SGCD: variants seen among roughly 807,000 people sequenced by gnomAD.
SGCD encodes the protein delta-sarcoglycan.
A neutral mutation model predicts 36.6 loss-of-function variants in SGCD; 18 were observed. That is an observed-to-expected ratio of 0.49 (90% CI 0.34 to 0.73). SGCD has a LOEUF of 0.73. Among genes scored for constraint, SGCD ranks in the 30% least tolerant of loss-of-function variants. The pLI, the probability that SGCD is intolerant of heterozygous loss-of-function variation, is 0.01. For missense variants in SGCD, 387 were observed against 346.7 expected (o/e 1.12, Z -0.92); for synonymous variants, 133 against 130.6 (o/e 1.02, Z -0.12).
chr5:155,848,723 G>A, the SGCD span, among the ~76,000 whole-genome samples: 1 of 152,072 alleles, frequency 6.6e-6, no homozygotes, highest in Non-Finnish European at 1.5e-5. Flanking sequence ...AAATAAATGA[G>A]AGTAAAGTAT....
chr5:156,213,777 T>C (rs1214339693), intron 3 of SGCD, among the ~76,000 whole-genome samples: 3 of 152,002 alleles, frequency 2.0e-5, no homozygotes, highest in African/African-American at 4.8e-5. Flanking sequence ...TTGTGATCAA[T>C]TGGGATTTAT....
chr5:156,564,680 A>G (rs911901279), intron 4 of SGCD, among the ~76,000 whole-genome samples: 3 of 151,688 alleles, frequency 2.0e-5, no homozygotes, highest in African/African-American at 7.3e-5. Flanking sequence ...AGCAACCCCC[A>G]TTCTGCTTTC....
chr5:156,486,999 ACT>A (rs1755700965), intron 3 of SGCD, among the ~76,000 whole-genome samples: 1 of 152,112 alleles, frequency 6.6e-6, no homozygotes, highest in Non-Finnish European at 1.5e-5. Flanking sequence ...TACCTCTGCC[ACT>A]GTCAGCTATC....
In SGCD at chr5:156,653,493, C is replaced by CTTTTTT. The variant is rs111458843; in HGVS notation, c.575+5967_575+5972dup. ...TTTTCTTACGTAATTCTAAAGCTTG[C>CTTTTTT]TTTTTTTTTTTTTTTGCCCCTGTTG... On this transcript the variant is annotated intron_variant, in intron 7 of 8. Coordinates refer to ENST00000337851, the MANE Select transcript of SGCD (RefSeq NM_000337.6). Among the ~76,000 whole-genome samples the CTTTTTT allele has an allele frequency of 1.3e-3, 64 of 48,082 alleles. 13 individuals are homozygous for CTTTTTT. Among genetic ancestry groups the CTTTTTT allele is most frequent in the Non-Finnish European group, 2.2e-3 (54 of 24,960 alleles). The allele number at this position is 48,082 out of a possible 152,430, so 31.5% of individuals were successfully genotyped here.
At chr5:156,161,857 A>G (rs1763094200) in intron 3 of SGCD, among the ~76,000 whole-genome samples, 1 of 151,690 alleles carries the variant, frequency 6.6e-6, no homozygotes, top group Admixed American at 6.6e-5. Flanking sequence ...CCAAAGTCAC[A>G]AAGTCAGATG....
chr5:156,596,795 C>T (rs2113396173), intron 6 of SGCD, among the ~76,000 whole-genome samples: 1 of 152,214 alleles, frequency 6.6e-6, no homozygotes, highest in South Asian at 2.1e-4. Context: ...CTCTCAAATT[C>T]AGTGGATCTT....
At chr5:156,019,576 G>A (rs1039488983) in intron 1 of SGCD, among the ~76,000 whole-genome samples, 10 of 152,126 alleles carry the variant, frequency 6.6e-5, no homozygotes, top group Non-Finnish European at 8.8e-5. Flanking sequence ...AGGAATTTTG[G>A]AAAGGAATCA....
chr5:156,689,329 A>G (rs1754026029), intron 7 of SGCD, among the ~76,000 whole-genome samples: 1 of 152,208 alleles, frequency 6.6e-6, no homozygotes, highest in African/African-American at 2.4e-5. Context: ...ACAAAGTGAC[A>G]CACATTTTTG....
chr5:156,162,299 T>C (rs1763104193), intron 3 of SGCD, among the ~76,000 whole-genome samples: 1 of 151,606 alleles, frequency 6.6e-6, no homozygotes, highest in Non-Finnish European at 1.5e-5. Flanking sequence ...GGAAGCTACC[T>C]CCCATGTTCA....
At chr5:156,457,184 G>T (rs1754299050) in intron 3 of SGCD, among the ~76,000 whole-genome samples, 1 of 152,118 alleles carries the variant, frequency 6.6e-6, no homozygotes, top group Admixed American at 6.6e-5. Context: ...AAGGGTTTCA[G>T]CAGAGACACC....
chr5:155,739,165 A>G, the SGCD span, among the ~76,000 whole-genome samples: 1 of 152,240 alleles, frequency 6.6e-6, no homozygotes, highest in South Asian at 2.1e-4. Flanking sequence ...ACAAGTAAAG[A>G]TAATGGTCCC....
chr5:155,845,487 G>A, the SGCD span: 1 of 152,464 alleles, frequency 6.6e-6, no homozygotes, highest in East Asian at 1.9e-4. Context: ...GATCTCGGAA[G>A]CTAAGCAGGG....
intron 3 of SGCD, among the ~76,000 whole-genome samples, chr5:156,382,928 A>T (rs1238210715): frequency 6.6e-6 from 1 of 152,232 alleles, no homozygotes; most frequent in African/African-American, 2.4e-5. Flanking sequence ...TACTCCATTC[A>T]TGGCAAATAA....
At chr5:155,800,507 T>C in the SGCD span, among the ~76,000 whole-genome samples, 7 of 152,186 alleles carry the variant, frequency 4.6e-5, no homozygotes, top group Non-Finnish European at 1.0e-4. Context: ...CTTTCAGTGT[T>C]GCAGATGAGA....
intron 1 of SGCD, among the ~76,000 whole-genome samples, chr5:155,874,679 G>C (rs532324395): frequency 6.6e-6 from 1 of 151,976 alleles, no homozygotes; most frequent in Non-Finnish European, 1.5e-5. Flanking sequence ...ATTAGTCACC[G>C]GGGGAGATGC....
At chr5:156,482,865 A>G (rs903469545) in intron 3 of SGCD, among the ~76,000 whole-genome samples, 4 of 109,080 alleles carry the variant, frequency 3.7e-5, no homozygotes, top group Non-Finnish European at 6.8e-5. Context: ...GCCATATTTG[A>G]ATTGTTTAGG....
At chr5:155,935,697 G>C (rs1002044928) in intron 1 of SGCD, among the ~76,000 whole-genome samples, 1 of 152,192 alleles carries the variant, frequency 6.6e-6, no homozygotes, top group Non-Finnish European at 1.5e-5. Flanking sequence ...ACTTGCCTAA[G>C]GTTGTTACAG....
At chr5:156,720,952 A>G (rs1387538424) in intron 7 of SGCD, among the ~76,000 whole-genome samples, 1 of 152,146 alleles carries the variant, frequency 6.6e-6, no homozygotes. Flanking sequence ...GACATTTCGA[A>G]AAGTGCTTAG....
intron 4 of SGCD, among the ~76,000 whole-genome samples, chr5:156,518,249 A>T (rs902567436): frequency 6.6e-6 from 1 of 152,242 alleles, no homozygotes; most frequent in African/African-American, 2.4e-5. Context: ...GAAGGGCATT[A>T]CATAATGGTA....
Sources: allele counts gnomAD v4.1 joint callset (sites outside exome capture counted in the v4.1 genomes callset), GRCh38; gene constraint gnomAD v4.1.1; transcripts MANE v1.5; gene names NCBI Gene and HGNC (gene_info 2026-07-23, HGNC 2026-07-21).